Variants in CORO2A observed in about 807,000 individuals in gnomAD.
CORO2A encodes the protein coronin 2A, also known as coronin-2A.
CORO2A carries 47 observed loss-of-function variants against 62.4 expected under a neutral mutation model. The observed-to-expected ratio is 0.75, with a 90% CI of 0.60 to 0.96. The LOEUF (loss-of-function observed/expected upper bound fraction) is 0.96, where lower values mean the gene tolerates loss of function less well. CORO2A is among the 40% of genes least tolerant of loss of function. The probability of loss-of-function intolerance (pLI) is 0.00; values close to 1 mark genes in which losing one functional copy is unlikely to be tolerated. For synonymous variants in CORO2A, 273 were observed against 268.9 expected (o/e 1.02, Z -0.15); for missense variants, 610 against 684.1 (o/e 0.89, Z 1.21).
intron 1 of CORO2A, among the ~76,000 whole-genome samples, chr9:98,164,124 G>A (rs1827927636): frequency 6.6e-6 from 1 of 152,172 alleles, no homozygotes; most frequent in Non-Finnish European, 1.5e-5. Context: ...CCTGGTGAGA[G>A]GGTCTGAACC....
Position 98,157,667 on chromosome 9 carries a change from G to T in CORO2A, c.1-7C>A, listed in dbSNP as rs373553898. ...ACTGGGGGTGCCATGACATCTGCAG[G>T]AGACAAATGGGACAAAGGGTATGAG... is the stretch of plus-strand genomic sequence containing the variant. On this transcript the variant is annotated splice_region_variant and splice_polypyrimidine_tract_variant and intron_variant, in intron 1 of 11. Coordinates refer to ENST00000375077, the MANE Select transcript of CORO2A (RefSeq NM_052820.4). 62 of 1,609,990 alleles carry T rather than the reference G, an allele frequency of 3.9e-5. No individual in the cohort carries two copies. The highest frequency in any genetic ancestry group is 5.2e-5 in the Non-Finnish European group (61 of 1,177,752).
At chr9:98,180,070 A>G (rs903282206) in intron 1 of CORO2A, among the ~76,000 whole-genome samples, 1 of 152,174 alleles carries the variant, frequency 6.6e-6, no homozygotes, top group Non-Finnish European at 1.5e-5. Flanking sequence ...TTTTACGATC[A>G]TAATGTGCCT....
At chr9:98,134,326 G>C (rs996461972) in intron 4 of CORO2A, among the ~76,000 whole-genome samples, 5 of 152,264 alleles carry the variant, frequency 3.3e-5, no homozygotes, top group African/African-American at 1.2e-4. Context: ...GAGCAGGGTC[G>C]GGGGAACGAT....
chr9:98,151,947 G>T (rs56316923), intron 2 of CORO2A, among the ~76,000 whole-genome samples: 7 of 150,458 alleles, frequency 4.7e-5, no homozygotes, highest in Non-Finnish European at 1.0e-4. Flanking sequence ...CTCCCATGTA[G>T]CTGGGACCAC....
rs1828188121 is a variant in CORO2A at position 98,182,298 on chromosome 9, C to A, written c.-1+10261G>T. ...TGAATGGGTCAGTCTGGGTGAGGCT[C>A]CAGGATTATCTGTGTGGGGCAGATA... On this transcript the variant is annotated intron_variant, in intron 1 of 11. Transcript: ENST00000375077. Among the ~76,000 whole-genome samples the A allele has an allele frequency of 2.6e-5, 4 of 152,180 alleles. No individual in the cohort carries two copies. In the South Asian group the frequency reaches 8.3e-4, roughly 32 times the overall value.
At chr9:98,125,762 G>T (rs1278366485) in intron 11 of CORO2A, among the ~76,000 whole-genome samples, 2 of 129,728 alleles carry the variant, frequency 1.5e-5, no homozygotes, top group African/African-American at 6.1e-5. Context: ...CTGTTGCCCA[G>T]GCTGGAGCGC....
At chr9:98,137,827 AT>A (rs1827509211) in intron 2 of CORO2A, 139 bp from the exon 3 acceptor site, 1 of 687,094 alleles carries the variant, frequency 1.5e-6, no homozygotes, top group Admixed American at 2.2e-5. Flanking sequence ...CTTACTTCTT[AT>A]TCCCTGTGGG....
rs1188411184 is a variant in CORO2A, at chr9:98,154,327, GTGTATATATA to G, written c.201+3123_201+3132del. Among the ~76,000 whole-genome samples the G allele has an allele frequency of 2.1e-3, 197 of 93,292 alleles. 1 individual carries two copies. The highest frequency in any genetic ancestry group is 6.9e-3 in the African/African-American group (175 of 25,194). 61.2% of individuals were successfully genotyped at this position (93,292 alleles called of 152,430 possible). On this transcript the variant is annotated intron_variant, in intron 2 of 11. Coordinates refer to ENST00000375077, the MANE Select transcript of CORO2A (RefSeq NM_052820.4). The stretch of plus-strand genomic sequence containing the variant: ...CCTAGAGTCTTTCTTATGTGTTTGT[GTGTATATATA>G]TATATATATATATATACACAAATAC...
intron 2 of CORO2A, among the ~76,000 whole-genome samples, chr9:98,154,329 G>GTATATATATATATATGTATA (rs1554744991): frequency 4.7e-4 from 42 of 88,958 alleles, no homozygotes; most frequent in African/African-American, 2.1e-3. Context: ...GTGTTTGTGT[G>GTATATATATATATATGTATA]TATATATATA....
chr9:98,148,418 A>AG, intron 2 of CORO2A, among the ~76,000 whole-genome samples: 1 of 150,704 alleles, frequency 6.6e-6, no homozygotes, highest in African/African-American at 2.4e-5. Flanking sequence ...AAATAAGATA[A>AG]ATAAATAAAT....
At chr9:98,185,859 A>G (rs1828232904) in intron 1 of CORO2A, among the ~76,000 whole-genome samples, 1 of 152,238 alleles carries the variant, frequency 6.6e-6, no homozygotes, top group Non-Finnish European at 1.5e-5. Context: ...CCAGGGCTGC[A>G]TCCCTGGCAG....
At chr9:98,163,186 T>C (rs1750800327) in intron 1 of CORO2A, among the ~76,000 whole-genome samples, 1 of 152,196 alleles carries the variant, frequency 6.6e-6, no homozygotes, top group Non-Finnish European at 1.5e-5. Context: ...CGCACTGAGT[T>C]TATTTCTTTT....
intron 2 of CORO2A, among the ~76,000 whole-genome samples, chr9:98,154,902 A>G (rs914046484): frequency 3.3e-5 from 5 of 152,196 alleles, no homozygotes; most frequent in African/African-American, 1.2e-4. Context: ...GCACATTCTT[A>G]TGCTTCTGTT....
intron 1 of CORO2A, among the ~76,000 whole-genome samples, chr9:98,179,428 C>T (rs1460761285): frequency 6.6e-6 from 1 of 152,230 alleles, no homozygotes; most frequent in Non-Finnish European, 1.5e-5. Context: ...CTCTCATCCT[C>T]CCCATCTTCC....
intron 2 of CORO2A, among the ~76,000 whole-genome samples, chr9:98,156,393 T>C (rs1827803164): frequency 6.6e-6 from 1 of 152,106 alleles, no homozygotes; most frequent in African/African-American, 2.4e-5. Context: ...CCTTCTTTTC[T>C]AATATAAGCA....
intron 1 of CORO2A, among the ~76,000 whole-genome samples, chr9:98,173,476 T>C (rs1828066539): frequency 6.6e-6 from 1 of 152,176 alleles, no homozygotes; most frequent in East Asian, 1.9e-4. Flanking sequence ...ATCCACGGGC[T>C]CCATGAGCAC....
intron 2 of CORO2A, among the ~76,000 whole-genome samples, chr9:98,156,990 A>T (rs1185949526): frequency 6.6e-6 from 1 of 152,196 alleles, no homozygotes; most frequent in Non-Finnish European, 1.5e-5. Context: ...CCAGTTGAAT[A>T]TCCACAATTT....
Position 98,130,945 on chromosome 9 carries a change from C to G in CORO2A, c.870+10G>C. The G allele has an allele frequency of 6.2e-7, 1 of 1,611,436 alleles. No individual in the cohort carries two copies. The highest frequency in any genetic ancestry group is 8.5e-7 in the Non-Finnish European group (1 of 1,178,608). ...TCCAGGAGGTCACCTCCCTCCCGTG[C>G]CAAGCCGACCTTCCCCACCACGTAG... On this transcript the variant is annotated intron_variant, in intron 7 of 11. Transcript: ENST00000375077.
intron 1 of CORO2A, among the ~76,000 whole-genome samples, chr9:98,166,146 A>G (rs541940747): frequency 2.6e-5 from 4 of 152,374 alleles, no homozygotes; most frequent in African/African-American, 9.6e-5. Flanking sequence ...TAACAGCCAC[A>G]CAGATACAAT....
Sources: gnomAD v4.1 joint callset for allele counts (sites outside exome capture counted in the v4.1 genomes callset) on GRCh38, gnomAD v4.1.1 for gene constraint, MANE v1.5 for transcripts, NCBI Gene and HGNC (gene_info 2026-07-23, HGNC 2026-07-21) for gene names.